SPRED2: variants seen among roughly 807,000 people sequenced by gnomAD.
SPRED2 encodes the protein sprouty-related, EVH1 domain-containing protein 2.
Under a neutral mutation model 43.0 loss-of-function variants are expected in SPRED2, and 47 were observed. The observed-to-expected ratio is 1.09, with a 90% CI of 0.87 to 1.40. The LOEUF (loss-of-function observed/expected upper bound fraction) is 1.40, where lower values mean the gene tolerates loss of function less well. Ranked by LOEUF, SPRED2 falls within the 40% of genes most tolerant of loss-of-function variation. The pLI is 0.00. For synonymous variants in SPRED2, 225 were observed against 225.7 expected (o/e 1.00, Z 0.03); for missense variants, 561 against 586.4 (o/e 0.96, Z 0.45).
At chr2:65,425,110 A>G (rs1171105599) in intron 1 of SPRED2, among the ~76,000 whole-genome samples, 3 of 152,236 alleles carry the variant, frequency 2.0e-5, no homozygotes, top group African/African-American at 7.2e-5. Flanking sequence ...AAATGAAAAG[A>G]CAAAGATGTC....
At chr2:65,426,112 T>C (rs1043833855) in intron 1 of SPRED2, among the ~76,000 whole-genome samples, 2 of 152,232 alleles carry the variant, frequency 1.3e-5, no homozygotes, top group Non-Finnish European at 2.9e-5. Context: ...TACAGAGGCA[T>C]AGAAACAGGC....
Position 65,432,141 on chromosome 2 carries a change from A to C in SPRED2, c.-154T>G. The C allele has an allele frequency of 1.1e-6, 1 of 937,566 alleles. No individual in the cohort carries two copies. Among genetic ancestry groups the C allele is most frequent in the Non-Finnish European group, 1.6e-6 (1 of 606,282 alleles). 58.1% of individuals were successfully genotyped at this position (937,566 alleles called of 1,614,324 possible). On this transcript the variant is annotated 5_prime_UTR_variant, in exon 1 of 6. Coordinates refer to ENST00000356388, the MANE Select transcript of SPRED2 (RefSeq NM_181784.3). The stretch of plus-strand genomic sequence containing the variant: ...AAGAGGGCGCCGCAGCAGAAGGGGA[A>C]GCAGGGCGCGGGATAGGGTTTGGGG...
At chr2:65,336,743 G>T (rs1411404720) in intron 2 of SPRED2, among the ~76,000 whole-genome samples, 1 of 152,160 alleles carries the variant, frequency 6.6e-6, no homozygotes, top group African/African-American at 2.4e-5. Flanking sequence ...TATTTTGGGG[G>T]TGAAAAAATT....
intron 1 of SPRED2, among the ~76,000 whole-genome samples, chr2:65,415,264 C>T (rs1310943095): frequency 6.6e-6 from 1 of 152,156 alleles, no homozygotes; most frequent in Non-Finnish European, 1.5e-5. Context: ...TTGGGCCTTC[C>T]CCACATTTGC....
chr2:65,371,801 C>G (rs186462875), intron 1 of SPRED2, among the ~76,000 whole-genome samples: 2 of 151,810 alleles, frequency 1.3e-5, no homozygotes, highest in Non-Finnish European at 2.9e-5. Context: ...CTCAACCGGG[C>G]GCGGTGGCTC....
chr2:65,408,738 A>G (rs2661799), intron 1 of SPRED2, among the ~76,000 whole-genome samples: 110,834 of 151,942 alleles, frequency 0.73, 41,739 homozygotes, highest in African/African-American at 0.9. Flanking sequence ...GTGCCACCAC[A>G]CCCAGCTAAT....
At chr2:65,317,522 C>T (rs1673277408) in intron 4 of SPRED2, among the ~76,000 whole-genome samples, 1 of 35,782 alleles carries the variant, frequency 2.8e-5, no homozygotes, top group African/African-American at 7.1e-5. Flanking sequence ...CAAACAACAA[C>T]AACAACAACA....
intron 1 of SPRED2, among the ~76,000 whole-genome samples, chr2:65,355,055 T>C (rs980983340): frequency 1.8e-4 from 27 of 152,200 alleles, no homozygotes; most frequent in African/African-American, 6.5e-4. Flanking sequence ...GTAATTAGAT[T>C]ATAATCAGCG....
chr2:65,422,927 G>GA (rs1354270981), intron 1 of SPRED2, among the ~76,000 whole-genome samples: 2 of 152,002 alleles, frequency 1.3e-5, no homozygotes, highest in Non-Finnish European at 2.9e-5. Context: ...CTGAGCCTGA[G>GA]AAAAAAATCA....
intron 3 of SPRED2, among the ~76,000 whole-genome samples, chr2:65,332,732 T>C (rs967211342): frequency 3.9e-5 from 6 of 152,282 alleles, no homozygotes; most frequent in South Asian, 2.1e-4. Context: ...ATGGAACCAA[T>C]TGGATTTTAG....
intron 1 of SPRED2, among the ~76,000 whole-genome samples, chr2:65,400,955 T>C (rs1675870550): frequency 1.3e-5 from 2 of 152,026 alleles, no homozygotes; most frequent in Admixed American, 6.6e-5. Flanking sequence ...TTATTCCTTA[T>C]CATCATTTTA....
chr2:65,322,330 G>A (rs544435884), intron 4 of SPRED2, among the ~76,000 whole-genome samples: 77 of 115,012 alleles, frequency 6.7e-4, no homozygotes, highest in African/African-American at 1.3e-3. Context: ...GTCTTGCTCC[G>A]TTGCCCAGGC....
At chr2:65,359,398 T>C (rs976575294) in intron 1 of SPRED2, among the ~76,000 whole-genome samples, 1 of 150,682 alleles carries the variant, frequency 6.6e-6, no homozygotes, top group Non-Finnish European at 1.5e-5. Context: ...GGGAGTAGTG[T>C]AGTTTGAAGT....
At chr2:65,421,607 T>C (rs1215074729) in intron 1 of SPRED2, among the ~76,000 whole-genome samples, 1 of 152,188 alleles carries the variant, frequency 6.6e-6, no homozygotes, top group Non-Finnish European at 1.5e-5. Context: ...CTCACAAGCT[T>C]TCCATCAGGG....
intron 1 of SPRED2, among the ~76,000 whole-genome samples, chr2:65,393,054 A>C (rs1279999527): frequency 2.0e-5 from 3 of 152,266 alleles, no homozygotes; most frequent in Non-Finnish European, 4.4e-5. Flanking sequence ...AGATCATGGA[A>C]CTAGCTATTT....
intron 1 of SPRED2, among the ~76,000 whole-genome samples, chr2:65,403,170 C>G (rs1675944180): frequency 6.6e-6 from 1 of 152,220 alleles, no homozygotes. Flanking sequence ...ACTACATTAA[C>G]CATGTGCAAA....
At chr2:65,335,495 C>CACCA (rs1369325574) in intron 2 of SPRED2, among the ~76,000 whole-genome samples, 1 of 152,178 alleles carries the variant, frequency 6.6e-6, no homozygotes, top group Non-Finnish European at 1.5e-5. Flanking sequence ...ATGGAAAGAA[C>CACCA]ACCAATGTTA....
chr2:65,313,574 A>G lies in SPRED2; in HGVS notation c.1184T>C (p.Leu395Pro), dbSNP rs754022701. The G allele has an allele frequency of 3.9e-5, 63 of 1,614,054 alleles. No individual in the cohort carries two copies. Among genetic ancestry groups the G allele is most frequent in the Non-Finnish European group, 5.0e-5 (59 of 1,180,030 alleles). ...SFLAPCMCCY[L>P]PLRACYHCGV... Reference sequence around the variant, plus strand: ...GCAGTGGTAGCAGGCCCGAAGGGGCAGGTAACAGCACATACAGGGGGCCAG... The same window carrying G: ...GCAGTGGTAGCAGGCCCGAAGGGGCGGGTAACAGCACATACAGGGGGCCAG... The change falls in exon 6 of 6, where the codon CTG becomes CCG. Residue 395 changes from leucine to proline, a missense_variant. By Grantham distance (98) the Leu-to-Pro change is moderately conservative. Transcript: ENST00000356388.
At chr2:65,398,968 C>A (rs1473800167) in intron 1 of SPRED2, among the ~76,000 whole-genome samples, 1 of 152,158 alleles carries the variant, frequency 6.6e-6, no homozygotes, top group Non-Finnish European at 1.5e-5. Context: ...TGCCTATCAA[C>A]CAACAAGTGG....
Sources: gnomAD v4.1 joint callset for allele counts (sites outside exome capture counted in the v4.1 genomes callset) on GRCh38, gnomAD v4.1.1 for gene constraint, MANE v1.5 for transcripts, NCBI Gene and HGNC (gene_info 2026-07-23, HGNC 2026-07-21) for gene names.